The following TAFA1 variants were observed in gnomAD, a reference collection of about 807,000 sequenced individuals.
The protein encoded by TAFA1 is TAFA chemokine like family member 1.
TAFA1 carries 4 observed loss-of-function variants against 18.5 expected under a neutral mutation model. The observed-to-expected ratio is 0.22, with a 90% CI of 0.11 to 0.49. The LOEUF (loss-of-function observed/expected upper bound fraction) is 0.49. TAFA1 is among the 20% of genes least tolerant of loss of function. The probability of loss-of-function intolerance (pLI) is 0.98; values close to 1 mark genes in which losing one functional copy is unlikely to be tolerated. For missense variants in TAFA1, 147 were observed against 169.0 expected, an observed-to-expected ratio of 0.87 and a Z score of 0.72; for synonymous variants, 56 against 55.2, an observed-to-expected ratio of 1.01 and a Z score of -0.06.
chr3:68,490,380 T>C (rs1178829298), intron 3 of TAFA1, among the ~76,000 whole-genome samples: 1 of 150,956 alleles, frequency 6.6e-6, no homozygotes, highest in African/African-American at 2.4e-5. Flanking sequence ...GAAACTACTA[T>C]ATTTTGAGCT....
chr3:67,995,006 A>C, the TAFA1 span, among the ~76,000 whole-genome samples: 2 of 135,828 alleles, frequency 1.5e-5, no homozygotes, highest in South Asian at 2.4e-4. Flanking sequence ...GGCTTTGAAC[A>C]CTTAAGTTTC....
At chr3:68,406,961 A>G (rs1013862402) in intron 2 of TAFA1, among the ~76,000 whole-genome samples, 23 of 152,312 alleles carry the variant, frequency 1.5e-4, no homozygotes, top group Middle Eastern at 3.4e-3. Flanking sequence ...TATCCAACGT[A>G]TAAGCCATTT....
intron 2 of TAFA1, among the ~76,000 whole-genome samples, chr3:68,170,674 G>A (rs2066041236): frequency 6.6e-6 from 1 of 152,152 alleles, no homozygotes; most frequent in Admixed American, 6.5e-5. Context: ...AGGAAGTGAA[G>A]GCTAGGGCAG....
At chr3:68,197,042 A>T (rs2066418652) in intron 2 of TAFA1, among the ~76,000 whole-genome samples, 1 of 151,746 alleles carries the variant, frequency 6.6e-6, no homozygotes, top group Admixed American at 6.6e-5. Context: ...AATATATTAG[A>T]TGACCTATCA....
intron 2 of TAFA1, among the ~76,000 whole-genome samples, chr3:68,077,041 C>T (rs1234108759): frequency 5.3e-5 from 8 of 151,756 alleles, no homozygotes; most frequent in African/African-American, 1.7e-4. Context: ...TTTTGATTTG[C>T]ATTTCTCTGA....
intron 2 of TAFA1, among the ~76,000 whole-genome samples, chr3:68,154,017 T>C (rs937194484): frequency 6.6e-6 from 1 of 152,206 alleles, no homozygotes; most frequent in African/African-American, 2.4e-5. Context: ...TAATTAATGC[T>C]AGCCAGCTTA....
intron 2 of TAFA1, among the ~76,000 whole-genome samples, chr3:68,076,665 C>T (rs1158706344): frequency 7.9e-5 from 12 of 152,396 alleles, no homozygotes; most frequent in Admixed American, 7.2e-4. Flanking sequence ...GTATAGTATT[C>T]CATGGTGTAT....
At chr3:68,389,285 G>C (rs1272291509) in intron 2 of TAFA1, among the ~76,000 whole-genome samples, 2 of 152,060 alleles carry the variant, frequency 1.3e-5, no homozygotes, top group Admixed American at 6.6e-5. Flanking sequence ...TTTTACCAGA[G>C]GAAACACTGG....
At chr3:68,086,369 T>G (rs549291090) in intron 2 of TAFA1, among the ~76,000 whole-genome samples, 14 of 152,312 alleles carry the variant, frequency 9.2e-5, no homozygotes, top group African/African-American at 3.4e-4. Context: ...ATCTGGGCAG[T>G]CCTTTACAAT....
chr3:68,387,016 T>G (rs115216374), intron 2 of TAFA1, among the ~76,000 whole-genome samples: 2,711 of 152,154 alleles, frequency 0.018, 88 homozygotes, highest in African/African-American at 0.062. Flanking sequence ...GAATTTTCTT[T>G]ATAAAGTTCA....
At chr3:68,337,973 G>C (rs190763481) in intron 2 of TAFA1, among the ~76,000 whole-genome samples, 3 of 152,296 alleles carry the variant, frequency 2.0e-5, no homozygotes, top group Admixed American at 1.3e-4. Context: ...ATCACTTAGT[G>C]GGTTTCTGTC....
intron 2 of TAFA1, among the ~76,000 whole-genome samples, chr3:68,101,552 G>A (rs6548989): frequency 0.89 from 134,895 of 152,112 alleles, 60,269 homozygotes; most frequent in South Asian, 0.95. Context: ...ATGAAGGTGT[G>A]ATTTCAAAGG....
At chr3:68,408,162 G>A (rs764361670) in intron 2 of TAFA1, among the ~76,000 whole-genome samples, 14 of 152,078 alleles carry the variant, frequency 9.2e-5, no homozygotes, top group East Asian at 3.9e-4. Flanking sequence ...GAAAGGAACC[G>A]TTTGTAATAA....
chr3:68,097,212 T>C (rs558594105), intron 2 of TAFA1, among the ~76,000 whole-genome samples: 4 of 152,284 alleles, frequency 2.6e-5, no homozygotes, highest in Middle Eastern at 3.4e-3. Context: ...TGGGTTTCAC[T>C]TGATTGTAAT....
At chr3:68,118,389 A>T (rs2065348303) in intron 2 of TAFA1, among the ~76,000 whole-genome samples, 2 of 152,250 alleles carry the variant, frequency 1.3e-5, no homozygotes, top group Admixed American at 6.5e-5. Context: ...AACAGCTATA[A>T]ATACAGATGA....
At chr3:68,281,226 C>T (rs2067891906) in intron 2 of TAFA1, among the ~76,000 whole-genome samples, 1 of 151,992 alleles carries the variant, frequency 6.6e-6, no homozygotes, top group Non-Finnish European at 1.5e-5. Context: ...AATTAAGTCT[C>T]AAAAGGTTAA....
intron 2 of TAFA1, among the ~76,000 whole-genome samples, chr3:68,341,465 G>A (rs943235318): frequency 6.6e-6 from 1 of 152,126 alleles, no homozygotes; most frequent in Non-Finnish European, 1.5e-5. Context: ...CGAGCAATTT[G>A]GGGAGGTTCA....
chr3:68,282,594 A>T (rs1313013209), intron 2 of TAFA1, among the ~76,000 whole-genome samples: 1 of 152,190 alleles, frequency 6.6e-6, no homozygotes, highest in East Asian at 1.9e-4. Flanking sequence ...AAACTCATGG[A>T]GTCCACACCT....
intron 2 of TAFA1, among the ~76,000 whole-genome samples, chr3:68,020,438 T>C (rs980427059): frequency 6.6e-6 from 1 of 152,042 alleles, no homozygotes; most frequent in African/African-American, 2.4e-5. Flanking sequence ...ACCCCTACCT[T>C]GCCAGCTTAA....
Sources: gnomAD v4.1 joint callset for allele counts (sites outside exome capture counted in the v4.1 genomes callset) on GRCh38, gnomAD v4.1.1 for gene constraint, MANE v1.5 for transcripts, NCBI Gene and HGNC (gene_info 2026-07-23, HGNC 2026-07-21) for gene names.